The following SIN3B variants were observed in gnomAD, a reference collection of about 807,000 sequenced individuals.
The protein encoded by SIN3B is SIN3 transcription regulator family member B.
A neutral mutation model predicts 120.2 loss-of-function variants in SIN3B; 19 were observed. The observed-to-expected ratio is 0.16, with a 90% CI of 0.11 to 0.23. SIN3B has a LOEUF of 0.23. Among genes scored for constraint, SIN3B ranks in the 10% least tolerant of loss-of-function variants. SIN3B has a pLI of 1.00. For synonymous variants in SIN3B, 654 were observed against 653.2 expected, an observed-to-expected ratio of 1.00 and a Z score of -0.02; for missense variants, 1,073 against 1,573.0, an observed-to-expected ratio of 0.68 and a Z score of 5.38.
At chr19:16,844,516 C>T (rs1411956949) in intron 4 of SIN3B, among the ~76,000 whole-genome samples, 2 of 152,208 alleles carry the variant, frequency 1.3e-5, no homozygotes, top group African/African-American at 2.4e-5. Context: ...ACCCATTACA[C>T]AGCCACGTAT....
In SIN3B at chr19:16,829,403, G is replaced by C. The variant is rs1971246980; in HGVS notation, c.-18G>C. On this transcript the variant is annotated 5_prime_UTR_variant, in exon 1 of 19. Transcript: ENST00000248054. Reference sequence around the variant, plus strand: ...ACCTCGGGCGGGGGCGGGGCGGGGCGCAGCTCCGACTTCGGACATGGCGCA... The same window carrying C: ...ACCTCGGGCGGGGGCGGGGCGGGGCCCAGCTCCGACTTCGGACATGGCGCA... 8.3e-7 allele frequency: 1 copy of C among 1,198,050 alleles called. No homozygotes were observed. Among genetic ancestry groups the C allele is most frequent in the Non-Finnish European group, 1.0e-6 (1 of 965,794 alleles). The allele number at this position is 1,198,050 out of a possible 1,614,324, so 74.2% of individuals were successfully genotyped here. A position where few individuals can be genotyped will look rare whatever the true frequency, so the allele number is the denominator to read the frequency against.
chr19:16,871,551 C>A, intron 14 of SIN3B, 153 bp downstream of exon 14: 1 of 685,708 alleles, frequency 1.5e-6, no homozygotes, highest in East Asian at 2.8e-5. Flanking sequence ...GTAAAATTAA[C>A]CATTTTGAAG....
chr19:16,831,531 C>G lies in SIN3B; in HGVS notation c.265C>G (p.Leu89Val). The G allele has an allele frequency of 6.2e-7, 1 of 1,614,124 alleles. No homozygotes were observed. The highest frequency in any genetic ancestry group is 8.5e-7 in the Non-Finnish European group (1 of 1,179,980). Reference sequence around the variant, plus strand: ...TGGAGTCATCAGACGTGTCTCGCAGCTCTTCCACGAGCACCCTGACCTCAT... The same window carrying G: ...TGGAGTCATCAGACGTGTCTCGCAGGTCTTCCACGAGCACCCTGACCTCAT... ...TPGVIRRVSQ[L>V]FHEHPDLIVG... Residue 89 changes from leucine to valine, a missense_variant, in exon 3 of 19, where the codon CTC becomes GTC. Leu to Val is a conservative substitution (Grantham distance 32). This residue lies in a region of SIN3B where 395 missense variants were observed against 528.0 expected (regional missense o/e 0.75). Coordinates refer to ENST00000248054, the MANE Select transcript of SIN3B (RefSeq NM_001297595.2).
At chr19:16,860,760 C>T (rs937896172) in intron 8 of SIN3B, among the ~76,000 whole-genome samples, 8 of 152,006 alleles carry the variant, frequency 5.3e-5, no homozygotes, top group African/African-American at 1.9e-4. Context: ...CGCCACCACG[C>T]CCAGCTAATT....
Position 16,876,723 on chromosome 19 carries a change from G to A in SIN3B, c.2859+145G>A. ...CACAGGCTCTCCTTGAGGCCTGGTGGGTGGGGTTGCCTCCCTCCCTGCTCC... is the reference window on the plus strand; with the variant it reads ...CACAGGCTCTCCTTGAGGCCTGGTGAGTGGGGTTGCCTCCCTCCCTGCTCC... On this transcript the variant is annotated intron_variant, in intron 16 of 18. Transcript: ENST00000248054. This position sits in a 1 kb window ranked among gnomAD's most constrained non-coding sequence, Gnocchi z 7.1. 1.6e-6 allele frequency: 1 copy of A among 631,742 alleles called. No homozygotes were observed. The highest frequency in any genetic ancestry group is 2.8e-6 in the Non-Finnish European group (1 of 363,110). The allele number at this position is 631,742 out of a possible 1,614,324, so 39.1% of individuals were successfully genotyped here.
chr19:16,878,182 G>T lies in SIN3B; in HGVS notation c.2955-1G>T. ...TCCATTCCACCTCCTTTCGCCCCCA[G>T]GAACCTCAAGAAGTTCCGCCGCCGG... On this transcript the variant is annotated splice_acceptor_variant, in intron 17 of 18. Transcript: ENST00000248054. LOFTEE classifies it high-confidence loss of function. 6.4e-7 allele frequency: 1 copy of T among 1,564,332 alleles called. No homozygotes were observed. The highest frequency in any genetic ancestry group is 8.7e-7 in the Non-Finnish European group (1 of 1,152,200).
At position 16,830,863 on chromosome 19, in the gene SIN3B, T is replaced by G. The variant is rs957510895; in HGVS notation, c.228-631T>G. Among the ~76,000 whole-genome samples, 5 of 152,362 alleles carry G rather than the reference T, an allele frequency of 3.3e-5. 1 individual carries two copies. The South Asian group carries it at 1.0e-3, about 32-fold the overall frequency. On this transcript the variant is annotated intron_variant, in intron 2 of 18. Transcript: ENST00000248054. The stretch of plus-strand genomic sequence containing the variant: ...AGTTTTCACATTGCTTAGAGGACTT[T>G]GGCCTCCTGCCATTTCTTGGAGTCC...
At position 16,829,531 on chromosome 19, in the gene SIN3B, G is replaced by A; in HGVS notation, c.111G>A (p.Leu37=). 1 of 1,229,036 alleles carries A rather than the reference G, an allele frequency of 8.1e-7. No individual in the cohort carries two copies. The highest frequency in any genetic ancestry group is 1.0e-6 in the Non-Finnish European group (1 of 985,610). The allele number at this position is 1,229,036 out of a possible 1,614,324, so 76.1% of individuals were successfully genotyped here. Residue 37 remains leucine, a synonymous_variant, in exon 1 of 19, where the codon CTG becomes CTA. Transcript: ENST00000248054. The part of the protein sequence containing the change: ...GRSGSAGHEK[L]PVHVEDALTY... Reference sequence around the variant, plus strand: ...CGGGCTCCGCAGGCCACGAGAAGCTGCCGGTGCACGTGAGTGGCGTCCCCG... The same window carrying A: ...CGGGCTCCGCAGGCCACGAGAAGCTACCGGTGCACGTGAGTGGCGTCCCCG...
chr19:16,861,421 G>A (rs1971686344), intron 8 of SIN3B, among the ~76,000 whole-genome samples: 1 of 152,166 alleles, frequency 6.6e-6, no homozygotes, highest in Admixed American at 6.5e-5. Flanking sequence ...GAGGCCAGGA[G>A]TTCAAGACCA....
At chr19:16,849,808 T>C (rs375556639) in intron 5 of SIN3B, among the ~76,000 whole-genome samples, 58 of 152,196 alleles carry the variant, frequency 3.8e-4, no homozygotes, top group African/African-American at 1.3e-3. Flanking sequence ...ATACAAAAAA[T>C]AGCCAAGCGT....
chr19:16,852,978 G>A lies in SIN3B; in HGVS notation c.850-91G>A, dbSNP rs146291660. On this transcript the variant is annotated intron_variant, in intron 6 of 18. Transcript: ENST00000248054. ...CATGGCAGTTCCCAAAGGAGAGCACGGTCTTAGCCTTCTTGAGACTCTGTG... is the reference window on the plus strand; with the variant it reads ...CATGGCAGTTCCCAAAGGAGAGCACAGTCTTAGCCTTCTTGAGACTCTGTG... The A allele has an allele frequency of 4.0e-3, 4,116 of 1,016,444 alleles. 46 individuals are homozygous for A. The highest frequency in any genetic ancestry group is 0.024 in the South Asian group (1,500 of 63,554). 63.0% of individuals were successfully genotyped at this position (1,016,444 alleles called of 1,614,324 possible).
intron 4 of SIN3B, among the ~76,000 whole-genome samples, chr19:16,845,334 G>A (rs1210947738): frequency 6.6e-6 from 1 of 152,124 alleles, no homozygotes; most frequent in Non-Finnish European, 1.5e-5. Flanking sequence ...GTGCAGTGGC[G>A]CAATCTCGTC....
intron 13 of SIN3B, 72 bp downstream of exon 13, chr19:16,870,147 A>G: frequency 3.7e-6 from 5 of 1,353,252 alleles, no homozygotes; most frequent in Non-Finnish European, 4.9e-6. Flanking sequence ...ATGATCTGAC[A>G]TGTCCTGTTA....
chr19:16,847,229 C>T, intron 5 of SIN3B, 116 bp downstream of exon 5: 1 of 1,159,120 alleles, frequency 8.6e-7, no homozygotes, highest in Non-Finnish European at 1.2e-6. Flanking sequence ...CACTAGGGTC[C>T]CCCAGAAGCT....
In SIN3B at chr19:16,857,517, A is replaced by G. The variant is rs556118003; in HGVS notation, c.1058+3256A>G. On this transcript the variant is annotated intron_variant, in intron 8 of 18. Coordinates refer to ENST00000248054, the MANE Select transcript of SIN3B (RefSeq NM_001297595.2). Reference sequence around the variant, plus strand: ...CCTTTTGCATTAACTTAAAAAAAATATGTGTGTGTGTGTGTGTGTGTGTGT... The same window carrying G: ...CCTTTTGCATTAACTTAAAAAAAATGTGTGTGTGTGTGTGTGTGTGTGTGT... 4.8e-3 allele frequency among the ~76,000 whole-genome samples: 446 copies of G among 93,474 alleles called. 1 individual carries two copies. The highest frequency in any genetic ancestry group is 6.0e-3 in the Middle Eastern group (1 of 166). The allele number at this position is 93,474 out of a possible 152,430, so 61.3% of individuals were successfully genotyped here.
At position 16,876,462 on chromosome 19, in the gene SIN3B, G is replaced by A. The variant is rs2051609121; in HGVS notation, c.2767-24G>A. 1 of 1,604,092 alleles carries A rather than the reference G, an allele frequency of 6.2e-7. No individual in the cohort carries two copies. The highest frequency in any genetic ancestry group is 8.5e-7 in the Non-Finnish European group (1 of 1,172,760). On this transcript the variant is annotated intron_variant, in intron 15 of 18. Coordinates refer to ENST00000248054, the MANE Select transcript of SIN3B (RefSeq NM_001297595.2). The surrounding 1 kb of genome is among the most constrained non-coding windows in gnomAD (Gnocchi z 7.1). The stretch of plus-strand genomic sequence containing the variant: ...CGGCTGGGCTGTGCCGGCAGTGGAG[G>A]CTGTCAGCGTTCCTGCTCCGCAGGT...
chr19:16,878,541 G>A lies in SIN3B; in HGVS notation c.3207G>A (p.Glu1069=). ...VLLRHHQHFE[E]WHSRWLEDNV... is the part of the protein sequence containing the mutation. Reference sequence around the variant, plus strand: ...TCCGCCACCACCAGCACTTTGAGGAGTGGCACAGCCGCTGGCTGGAGGACA... The same window carrying A: ...TCCGCCACCACCAGCACTTTGAGGAATGGCACAGCCGCTGGCTGGAGGACA... Residue 1069 remains glutamate, a synonymous_variant, in exon 19 of 19, where the codon GAG becomes GAA. Coordinates refer to ENST00000248054, the MANE Select transcript of SIN3B (RefSeq NM_001297595.2). The A allele has an allele frequency of 6.2e-7, 1 of 1,600,026 alleles. No individual in the cohort carries two copies.
chr19:16,869,505 C>G lies in SIN3B; in HGVS notation c.1852C>G (p.Pro618Ala), dbSNP rs748733538. 6.2e-7 allele frequency: 1 copy of G among 1,613,458 alleles called. No individual in the cohort carries two copies. Among genetic ancestry groups the G allele is most frequent in the South Asian group, 1.1e-5 (1 of 91,076 alleles). ...GGGCCGCAGTGCCCCCTCTAGCGAG[C>G]CGCACCTCATCTTTGTGTACGAGGA... ...SEGRSAPSSEPHLIFVYEDRQ... is the reference protein window; with the variant it reads ...SEGRSAPSSEAHLIFVYEDRQ... The change falls in exon 13 of 19, where the codon CCG becomes GCG. Residue 618 changes from proline to alanine, a missense_variant. Pro to Ala is a conservative substitution (Grantham distance 27). Coordinates refer to ENST00000248054, the MANE Select transcript of SIN3B (RefSeq NM_001297595.2).
chr19:16,875,530 T>G (rs2051585433), intron 14 of SIN3B, among the ~76,000 whole-genome samples: 1 of 145,656 alleles, frequency 6.9e-6, no homozygotes, highest in Admixed American at 6.7e-5. Flanking sequence ...TGGTCTGGTC[T>G]GGTCTGTTTG....
Sources: allele counts gnomAD v4.1 joint callset (sites outside exome capture counted in the v4.1 genomes callset), GRCh38; gene constraint gnomAD v4.1.1; regional missense constraint gnomAD v4.1.1; non-coding constraint Gnocchi (gnomAD v3.1); transcripts MANE v1.5; gene names NCBI Gene and HGNC (gene_info 2026-07-23, HGNC 2026-07-21).